Variants in ARHGEF38 observed in about 807,000 individuals in gnomAD.
The protein encoded by ARHGEF38 is Rho guanine nucleotide exchange factor 38, also known as Rho guanine nucleotide exchange factor (GEF) 38.
In ARHGEF38, 79 loss-of-function variants were observed where a neutral mutation model predicts 79.9. That is an observed-to-expected ratio of 0.99 (90% CI 0.82 to 1.19). ARHGEF38 has a LOEUF of 1.19. ARHGEF38 is among the 50% of genes most tolerant of loss of function. The pLI, the probability that ARHGEF38 is intolerant of heterozygous loss-of-function variation, is 0.00. For synonymous variants in ARHGEF38, 366 were observed against 328.3 expected (o/e 1.11, Z -1.24); for missense variants, 962 against 907.2 (o/e 1.06, Z -0.78).
intron 1 of ARHGEF38, among the ~76,000 whole-genome samples, chr4:105,561,898 G>A (rs1002217435): frequency 1.3e-5 from 2 of 152,134 alleles, no homozygotes; most frequent in African/African-American, 4.8e-5. Flanking sequence ...AAGTAAAAGA[G>A]TTTAGGGTTG....
chr4:105,679,524 C>A lies in ARHGEF38; in HGVS notation c.*1587C>A. The A allele has an allele frequency of 8.9e-6, 12 of 1,341,542 alleles. No individual in the cohort carries two copies. The highest frequency in any genetic ancestry group is 1.2e-5 in the Non-Finnish European group (11 of 934,276). 83.1% of individuals were successfully genotyped at this position (1,341,542 alleles called of 1,614,324 possible). A position where few individuals can be genotyped will look rare whatever the true frequency, so the allele number is the denominator to read the frequency against. ...AGATCATGGTTCAAAGCTTGATACA[C>A]CAGAAATGTGGGCTAAAGCTGCAGC... On this transcript the variant is annotated 3_prime_UTR_variant, in exon 14 of 14. Coordinates refer to ENST00000420470, the MANE Select transcript of ARHGEF38 (RefSeq NM_001242729.2).
At chr4:105,601,371 A>G (rs1165752002) in intron 2 of ARHGEF38, among the ~76,000 whole-genome samples, 1 of 152,104 alleles carries the variant, frequency 6.6e-6, no homozygotes, top group Non-Finnish European at 1.5e-5. Flanking sequence ...TCACCACCTC[A>G]ATCTATCTTA....
At position 105,610,954 on chromosome 4, in the gene ARHGEF38, A is replaced by G. The variant is rs571578182; in HGVS notation, c.385-2430A>G. ...AAAATCTAAACAGAGATAGTAAAGT[A>G]CTCTATTATTAATATTTCCTGGTAA... is the stretch of plus-strand genomic sequence containing the variant. On this transcript the variant is annotated intron_variant, in intron 2 of 13. Transcript: ENST00000420470. 4.9e-4 allele frequency among the ~76,000 whole-genome samples: 74 copies of G among 152,096 alleles called. 1 individual carries two copies. In the South Asian group the frequency reaches 0.015, roughly 30 times the overall value.
chr4:105,664,332 T>G (rs988328674), intron 10 of ARHGEF38, among the ~76,000 whole-genome samples: 1 of 152,236 alleles, frequency 6.6e-6, no homozygotes, highest in African/African-American at 2.4e-5. Flanking sequence ...TTCTCCCGCC[T>G]CAGTGGTAAC....
At chr4:105,670,263 TA>T (rs1730915720) in intron 13 of ARHGEF38, among the ~76,000 whole-genome samples, 2 of 152,330 alleles carry the variant, frequency 1.3e-5, no homozygotes, top group African/African-American at 4.8e-5. Flanking sequence ...GTGTGAGGTT[TA>T]TGGGTTGCAG....
chr4:105,642,251 T>C (rs1729649431), intron 5 of ARHGEF38, among the ~76,000 whole-genome samples: 1 of 152,164 alleles, frequency 6.6e-6, no homozygotes, highest in African/African-American at 2.4e-5. Context: ...GATGCAGTTT[T>C]CTGAATATCA....
intron 10 of ARHGEF38, among the ~76,000 whole-genome samples, chr4:105,665,789 T>G (rs540291952): frequency 1.3e-5 from 2 of 152,274 alleles, no homozygotes; most frequent in African/African-American, 4.8e-5. Flanking sequence ...TAGGAAGCAA[T>G]GTTGAAGAAT....
At chr4:105,661,918 A>G (rs139773820) in intron 10 of ARHGEF38, among the ~76,000 whole-genome samples, 1 of 152,162 alleles carries the variant, frequency 6.6e-6, no homozygotes, top group African/African-American at 2.4e-5. Flanking sequence ...TTTTATTACA[A>G]ATAATGCCGG....
intron 10 of ARHGEF38, among the ~76,000 whole-genome samples, chr4:105,664,666 T>A (rs146665178): frequency 2.2e-4 from 33 of 152,294 alleles, no homozygotes; most frequent in Non-Finnish European, 3.8e-4. Flanking sequence ...AAAACTTTAA[T>A]AACTATTTAC....
Position 105,589,321 on chromosome 4 carries a change from G to A in ARHGEF38, c.270G>A (p.Arg90=). ...CAGAGGAAGAGCATCATATGAAGAG[G>A]ATGATGGCAAAGCGGGAAAAGATCA... ...LTPEEEHHMK[R]MMAKREKIIK... Residue 90 remains arginine, a synonymous_variant, in exon 2 of 14, where the codon AGG becomes AGA. Coordinates refer to ENST00000420470, the MANE Select transcript of ARHGEF38 (RefSeq NM_001242729.2). The A allele has an allele frequency of 6.2e-7, 1 of 1,614,080 alleles. No homozygotes were observed. Among genetic ancestry groups the A allele is most frequent in the Non-Finnish European group, 8.5e-7 (1 of 1,179,988 alleles).
intron 3 of ARHGEF38, among the ~76,000 whole-genome samples, chr4:105,617,901 C>T (rs1045649810): frequency 2.0e-5 from 3 of 152,018 alleles, no homozygotes; most frequent in Non-Finnish European, 2.9e-5. Context: ...TGATGGAGCT[C>T]CTCTTTAGTA....
At chr4:105,586,867 G>A (rs1727075327) in intron 1 of ARHGEF38, among the ~76,000 whole-genome samples, 1 of 152,068 alleles carries the variant, frequency 6.6e-6, no homozygotes. Context: ...TACTCCAGGA[G>A]TAAAGGACGT....
intron 1 of ARHGEF38, among the ~76,000 whole-genome samples, chr4:105,572,065 C>T (rs372697362): frequency 3.3e-4 from 50 of 152,222 alleles, no homozygotes; most frequent in African/African-American, 1.1e-3. Flanking sequence ...ATGCTGTTTA[C>T]TCTATTTATA....
intron 5 of ARHGEF38, 132 bp from the exon 6 acceptor site, chr4:105,645,056 A>G: frequency 1.3e-6 from 1 of 786,148 alleles, no homozygotes; most frequent in Non-Finnish European, 1.8e-6. Flanking sequence ...TCTTGCTTTT[A>G]TTTAGAAATT....
chr4:105,664,548 T>C lies in ARHGEF38; in HGVS notation c.1546-1629T>C, dbSNP rs116308462. 3.8e-3 allele frequency among the ~76,000 whole-genome samples: 577 copies of C among 152,350 alleles called. 1 individual carries two copies. The highest frequency in any genetic ancestry group is 0.013 in the African/African-American group (550 of 41,574). On this transcript the variant is annotated intron_variant, in intron 10 of 13. Transcript: ENST00000420470. ...TTCTATACCCCCTTCAATACAGTTA[T>C]AGCATAGATTTGGTTGAGTTCACAT...
At chr4:105,645,051 C>T in intron 5 of ARHGEF38, 137 bp from the exon 6 acceptor site, 1 of 757,396 alleles carries the variant, frequency 1.3e-6, no homozygotes, top group Non-Finnish European at 1.9e-6. Flanking sequence ...TTTGCTCTTG[C>T]TTTTATTTAG....
At chr4:105,561,400 T>C (rs1385378751) in intron 1 of ARHGEF38, among the ~76,000 whole-genome samples, 1 of 30,184 alleles carries the variant, frequency 3.3e-5, no homozygotes, top group South Asian at 1.5e-3. Flanking sequence ...TAGAGTAGAA[T>C]AATAGAATAG....
intron 2 of ARHGEF38, among the ~76,000 whole-genome samples, chr4:105,606,988 C>T (rs1157113803): frequency 6.6e-6 from 1 of 151,926 alleles, no homozygotes; most frequent in Non-Finnish European, 1.5e-5. Flanking sequence ...TTTATTTTTT[C>T]AAACAATGTT....
At chr4:105,668,131 C>T (rs949317310) in intron 13 of ARHGEF38, among the ~76,000 whole-genome samples, 4 of 152,006 alleles carry the variant, frequency 2.6e-5, no homozygotes, top group Non-Finnish European at 4.4e-5. Flanking sequence ...TAGTAATTGG[C>T]CAGTTTTAAT....
Sources: gnomAD v4.1 joint callset for allele counts (sites outside exome capture counted in the v4.1 genomes callset) on GRCh38, gnomAD v4.1.1 for gene constraint, MANE v1.5 for transcripts, NCBI Gene and HGNC (gene_info 2026-07-23, HGNC 2026-07-21) for gene names.